The following NR2F1-AS1 variants were observed in gnomAD, a reference collection of about 807,000 sequenced individuals.
NR2F1-AS1 encodes the protein NR2F1 regulatory antisense RNA 1, also known as NR2F1 antisense RNA 1.
rs987468761 is a variant in NR2F1-AS1 at position 93,528,903 on chromosome 5, G to T, written n.638+24858C>A. Among the ~76,000 whole-genome samples, 3 of 152,012 alleles carry T rather than the reference G, an allele frequency of 2.0e-5. No homozygotes were observed. The East Asian group carries it at 5.8e-4, about 29-fold the overall frequency. On this transcript the variant is annotated intron_variant and non_coding_transcript_variant, in intron 4 of 5. Transcript: ENST00000660523. ...TCATACAGCAGGGTTTCTCGGGGGT[G>T]GGGGGCTAGGGGAGGGATAGGATTA...
intron 2 of NR2F1-AS1, among the ~76,000 whole-genome samples, chr5:93,557,931 T>C (rs1752398069): frequency 6.6e-6 from 1 of 152,236 alleles, no homozygotes; most frequent in African/African-American, 2.4e-5. Flanking sequence ...CACAGCATCT[T>C]TACCAGGGTA....
At chr5:93,453,686 C>G (rs934321232) in intron 4 of NR2F1-AS1, among the ~76,000 whole-genome samples, 1 of 151,828 alleles carries the variant, frequency 6.6e-6, no homozygotes, top group Non-Finnish European at 1.5e-5. Context: ...AGTCAAAAGA[C>G]AATGGAGTGA....
intron 4 of NR2F1-AS1, among the ~76,000 whole-genome samples, chr5:93,540,769 A>T (rs1427672300): frequency 1.3e-5 from 2 of 152,186 alleles, no homozygotes; most frequent in African/African-American, 2.4e-5. Context: ...AAACACACAC[A>T]AGTGTACACT....
intron 4 of NR2F1-AS1, among the ~76,000 whole-genome samples, chr5:93,486,195 A>G (rs1750712984): frequency 6.7e-6 from 1 of 148,922 alleles, no homozygotes; most frequent in South Asian, 2.2e-4. Flanking sequence ...GCGCACCAGC[A>G]TGGCACATGT....
At chr5:93,473,859 G>C (rs1170437303) in intron 4 of NR2F1-AS1, among the ~76,000 whole-genome samples, 1 of 151,822 alleles carries the variant, frequency 6.6e-6, no homozygotes, top group Admixed American at 6.6e-5. Flanking sequence ...ATGGATACTT[G>C]AGAAATTAAT....
chr5:93,521,513 C>T (rs2149895584), intron 4 of NR2F1-AS1, among the ~76,000 whole-genome samples: 1 of 152,016 alleles, frequency 6.6e-6, no homozygotes, highest in Non-Finnish European at 1.5e-5. Context: ...AACAAATTTG[C>T]AAGAGAAAAA....
At chr5:93,481,614 C>T (rs1750601757) in intron 4 of NR2F1-AS1, among the ~76,000 whole-genome samples, 3 of 152,020 alleles carry the variant, frequency 2.0e-5, no homozygotes, top group African/African-American at 7.2e-5. Context: ...GTATTCTTCT[C>T]AAGTTCACAT....
At chr5:93,458,164 G>A (rs141679225) in intron 4 of NR2F1-AS1, among the ~76,000 whole-genome samples, 2,513 of 152,186 alleles carry the variant, frequency 0.017, 74 homozygotes, top group African/African-American at 0.057. Context: ...AGAAAAGTGG[G>A]CCCAGGGGAC....
At chr5:93,441,739 C>G (rs1749575271) in intron 4 of NR2F1-AS1, among the ~76,000 whole-genome samples, 1 of 152,168 alleles carries the variant, frequency 6.6e-6, no homozygotes, top group Admixed American at 6.5e-5. Flanking sequence ...CTTCCTGAGC[C>G]TTGGCTTCCT....
intron 4 of NR2F1-AS1, among the ~76,000 whole-genome samples, chr5:93,452,722 T>C (rs990228443): frequency 1.3e-5 from 2 of 152,192 alleles, no homozygotes; most frequent in African/African-American, 2.4e-5. Context: ...AGAGGCCATA[T>C]AGTACAGGAG....
intron 4 of NR2F1-AS1, among the ~76,000 whole-genome samples, chr5:93,525,391 C>T (rs918166003): frequency 1.3e-5 from 2 of 151,942 alleles, no homozygotes; most frequent in African/African-American, 4.8e-5. Flanking sequence ...AAGAGATGTA[C>T]ACTCCCACAC....
chr5:93,515,539 C>T (rs1231306355), intron 4 of NR2F1-AS1, among the ~76,000 whole-genome samples: 1 of 151,922 alleles, frequency 6.6e-6, no homozygotes, highest in African/African-American at 2.4e-5. Flanking sequence ...TAACATCTAT[C>T]TCTTCTACTA....
At chr5:93,565,544 G>A (rs1462473793) in intron 1 of NR2F1-AS1, among the ~76,000 whole-genome samples, 4 of 151,974 alleles carry the variant, frequency 2.6e-5, no homozygotes, top group Non-Finnish European at 4.4e-5. Flanking sequence ...ATATATTCTG[G>A]AAGGCTTCAA....
chr5:93,490,031 A>C (rs1750803355), intron 4 of NR2F1-AS1, among the ~76,000 whole-genome samples: 1 of 152,206 alleles, frequency 6.6e-6, no homozygotes, highest in Non-Finnish European at 1.5e-5. Context: ...TTGGATTTCC[A>C]GAACTGGCCC....
intron 1 of NR2F1-AS1, among the ~76,000 whole-genome samples, chr5:93,573,472 T>G (rs929971871): frequency 6.6e-6 from 1 of 152,030 alleles, no homozygotes; most frequent in Non-Finnish European, 1.5e-5. Context: ...GGGGCACGAC[T>G]ATCACACGCA....
At chr5:93,473,988 T>G (rs946601278) in intron 4 of NR2F1-AS1, among the ~76,000 whole-genome samples, 3 of 152,054 alleles carry the variant, frequency 2.0e-5, no homozygotes, top group Non-Finnish European at 2.9e-5. Flanking sequence ...AGAATTTAGA[T>G]TAATAAACAG....
intron 4 of NR2F1-AS1, among the ~76,000 whole-genome samples, chr5:93,527,060 T>C (rs1187220854): frequency 1.3e-5 from 2 of 152,152 alleles, no homozygotes; most frequent in Non-Finnish European, 2.9e-5. Flanking sequence ...TCAAATTGTC[T>C]CTGTTTGCAG....
At chr5:93,428,975 A>C (rs1410766596) in intron 4 of NR2F1-AS1, among the ~76,000 whole-genome samples, 1 of 152,160 alleles carries the variant, frequency 6.6e-6, no homozygotes, top group East Asian at 1.9e-4. Flanking sequence ...TTGAACAAAT[A>C]ATATTATGGC....
At position 93,572,047 on chromosome 5, in the gene NR2F1-AS1, GGTTCCTCT is replaced by G. The variant is rs531624749; in HGVS notation, n.313+8412_313+8419del. ...GGTCTGGGGTGGGATAGTGCGCAGG[GGTTCCTCT>G]GACCGGGCGGCGGGACCCAGCTGCC... is the stretch of plus-strand genomic sequence containing the variant. On this transcript the variant is annotated intron_variant and non_coding_transcript_variant, in intron 1 of 5. Coordinates refer to ENST00000660523, the Ensembl canonical transcript of NR2F1-AS1. 4.3e-3 allele frequency among the ~76,000 whole-genome samples: 659 copies of G among 152,300 alleles called. 7 individuals are homozygous for G. Among genetic ancestry groups the G allele is most frequent in the African/African-American group, 0.015 (615 of 41,574 alleles).
Sources: gnomAD v4.1 joint callset for allele counts (sites outside exome capture counted in the v4.1 genomes callset) on GRCh38, gnomAD v4.1.1 for gene constraint, MANE v1.5 for transcripts, NCBI Gene and HGNC (gene_info 2026-07-23, HGNC 2026-07-21) for gene names.